Variants in COL4A4 observed in about 807,000 individuals in gnomAD.
COL4A4 encodes the protein collagen alpha-4(IV) chain.
Under a neutral mutation model 192.9 loss-of-function variants are expected in COL4A4, and 105 were observed. That is an observed-to-expected ratio of 0.54 (90% CI 0.46 to 0.64). The LOEUF (loss-of-function observed/expected upper bound fraction) is 0.64, where lower values mean the gene tolerates loss of function less well. Among genes scored for constraint, COL4A4 ranks in the 30% least tolerant of loss-of-function variants. COL4A4 has a pLI of 0.00. For synonymous variants in COL4A4, 762 were observed against 769.9 expected (o/e 0.99, Z 0.17); for missense variants, 1,967 against 2,169.3 (o/e 0.91, Z 1.85).
intron 4 of COL4A4, among the ~76,000 whole-genome samples, chr2:227,137,289 G>T (rs1031429217): frequency 2.6e-5 from 4 of 152,204 alleles, no homozygotes; most frequent in Non-Finnish European, 5.9e-5. Context: ...GGAAACCCAG[G>T]CTTGGTCAGA....
intron 1 of COL4A4, among the ~76,000 whole-genome samples, chr2:227,162,873 G>A (rs1471985172): frequency 6.6e-6 from 1 of 152,204 alleles, no homozygotes; most frequent in Non-Finnish European, 1.5e-5. Context: ...AAGACAGAAA[G>A]AAGACTGTAA....
chr2:227,083,183 C>G (rs571723068), intron 22 of COL4A4, among the ~76,000 whole-genome samples: 1 of 152,212 alleles, frequency 6.6e-6, no homozygotes, highest in Non-Finnish European at 1.5e-5. Context: ...GAGCTGAGAT[C>G]GTGCCACTGT....
At chr2:226,995,496 C>A in the COL4A4 span, 7 of 1,612,022 alleles carry the variant, frequency 4.3e-6, no homozygotes, top group South Asian at 5.5e-5. Flanking sequence ...GAGGAGACAG[C>A]GGCTTCACAG....
chr2:227,094,324 C>A, intron 19 of COL4A4, 35 bp from the exon 20 acceptor site: 1 of 1,600,434 alleles, frequency 6.2e-7, no homozygotes, highest in Non-Finnish European at 8.5e-7. Flanking sequence ...ATTACATATA[C>A]TCTCAGAGTA....
chr2:227,052,264 G>T, intron 32 of COL4A4, 41 bp downstream of exon 32: 2 of 1,184,192 alleles, frequency 1.7e-6, no homozygotes, highest in Non-Finnish European at 2.5e-6. Context: ...CTGTAAAAAT[G>T]TCAACTTATT....
At position 227,101,542 on chromosome 2, in the gene COL4A4, C is replaced by T. The variant is rs781202513; in HGVS notation, c.991G>A (p.Val331Ile). ...AATCCAAATAGCCCAGGATCTCCAA[C>T]CAGTCCTAGTTCTCCCTACAAACAA... ...FPGLKGELGL[V>I]GDPGLFGLIG... The change falls in exon 17 of 48, where the codon GTT (valine) becomes ATT (isoleucine). Residue 331 changes from valine to isoleucine, a missense_variant. By Grantham distance (29) the Val-to-Ile change is conservative. Transcript: ENST00000396625. The T allele has an allele frequency of 3.7e-6, 6 of 1,612,312 alleles. No individual in the cohort carries two copies. Among genetic ancestry groups the T allele is most frequent in the East Asian group, 4.5e-5 (2 of 44,770 alleles).
intron 2 of COL4A4, 44 bp from the exon 3 acceptor site, chr2:227,144,602 T>A (rs1489336589): frequency 6.8e-7 from 1 of 1,465,550 alleles, no homozygotes; most frequent in Non-Finnish European, 9.6e-7. Context: ...CAGTTTCTTT[T>A]CATGTGAAAC....
chr2:226,971,909 CTTTTTT>C, the COL4A4 span, among the ~76,000 whole-genome samples: 2,527 of 146,462 alleles, frequency 0.017, 61 homozygotes, highest in African/African-American at 0.06. Context: ...CAAAAGCCCA[CTTTTTT>C]TTTTTTTTAA....
At chr2:227,121,283 T>A in intron 4 of COL4A4, 135 bp from the exon 5 acceptor site, 1 of 1,021,384 alleles carries the variant, frequency 9.8e-7, no homozygotes, top group Non-Finnish European at 1.4e-6. Context: ...AACAAATGGC[T>A]GGAGATGGTG....
At chr2:227,128,823 C>T (rs1445773313) in intron 4 of COL4A4, among the ~76,000 whole-genome samples, 4 of 152,136 alleles carry the variant, frequency 2.6e-5, no homozygotes, top group Non-Finnish European at 4.4e-5. Flanking sequence ...CCCATGCAAC[C>T]GTCAATGAAT....
chr2:227,099,697 C>T lies in COL4A4; in HGVS notation c.1030-8G>A. The T allele has an allele frequency of 6.2e-7, 1 of 1,612,048 alleles. No individual in the cohort carries two copies. Among genetic ancestry groups the T allele is most frequent in the Non-Finnish European group, 8.5e-7 (1 of 1,178,262 alleles). ...TCGATTTCCAGGATCCCCCTGAAAT[C>T]ATTCATTCATTCACTTTTTAAAGGA... On this transcript the variant is annotated splice_polypyrimidine_tract_variant and splice_region_variant and intron_variant, in intron 17 of 47. Transcript: ENST00000396625.
the COL4A4 span, among the ~76,000 whole-genome samples, chr2:226,984,446 C>G: frequency 1.3e-5 from 2 of 152,122 alleles, no homozygotes; most frequent in African/African-American, 4.8e-5. Flanking sequence ...ATAAGTTTAC[C>G]AATGCCATCA....
intron 9 of COL4A4, among the ~76,000 whole-genome samples, chr2:227,111,070 G>A (rs1022525417): frequency 5.9e-5 from 9 of 152,264 alleles, no homozygotes; most frequent in African/African-American, 2.2e-4. Context: ...GCGGCCCTCG[G>A]TGCCCCTACA....
At chr2:227,054,774 T>G in intron 30 of COL4A4, 37 bp from the exon 31 acceptor site, 1 of 1,588,848 alleles carries the variant, frequency 6.3e-7, no homozygotes, top group South Asian at 1.1e-5. Flanking sequence ...AGGAAAATAT[T>G]TTATTTGTTA....
At chr2:227,026,129 T>C (rs369127003) in intron 42 of COL4A4, among the ~76,000 whole-genome samples, 20 of 152,254 alleles carry the variant, frequency 1.3e-4, no homozygotes, top group African/African-American at 4.3e-4. Flanking sequence ...AGGAATTCTA[T>C]CCATTTAAAA....
At chr2:227,058,272 ATG>A (rs144485923) in intron 28 of COL4A4, among the ~76,000 whole-genome samples, 6 of 151,396 alleles carry the variant, frequency 4.0e-5, no homozygotes, top group East Asian at 3.9e-4. Flanking sequence ...GTGTGTGTGT[ATG>A]TGTGTGTGTG....
intron 1 of COL4A4, among the ~76,000 whole-genome samples, chr2:227,148,058 T>A (rs2063666613): frequency 6.6e-6 from 1 of 152,288 alleles, no homozygotes; most frequent in South Asian, 2.1e-4. Context: ...AGTATTTTTA[T>A]GTAAAATGAT....
At chr2:227,143,295 T>C (rs1211137798) in intron 3 of COL4A4, among the ~76,000 whole-genome samples, 1 of 152,254 alleles carries the variant, frequency 6.6e-6, no homozygotes, top group Non-Finnish European at 1.5e-5. Context: ...ATTAGTACTC[T>C]TGGGCATATT....
At chr2:227,120,075 G>C in intron 5 of COL4A4, 136 bp from the exon 6 acceptor site, 1 of 587,344 alleles carries the variant, frequency 1.7e-6, no homozygotes. Flanking sequence ...TACATGATGA[G>C]TCTAAAAGCC....
Sources: gnomAD v4.1 joint callset for allele counts (sites outside exome capture counted in the v4.1 genomes callset) on GRCh38, gnomAD v4.1.1 for gene constraint, MANE v1.5 for transcripts, NCBI Gene and HGNC (gene_info 2026-07-23, HGNC 2026-07-21) for gene names.